The following COG5 variants were observed in gnomAD, a reference collection of about 807,000 sequenced individuals.
COG5 encodes the protein component of oligomeric golgi complex 5, also known as conserved oligomeric Golgi complex subunit 5.
A neutral mutation model predicts 110.4 loss-of-function variants in COG5; 86 were observed. That is an observed-to-expected ratio of 0.78 (90% CI 0.65 to 0.93). The LOEUF (loss-of-function observed/expected upper bound fraction) is 0.93. Ranked by LOEUF, COG5 falls within the 40% of genes least tolerant of loss-of-function variation. The pLI is 0.00. For missense variants in COG5, 1,077 were observed against 987.0 expected (o/e 1.09, Z -1.22); for synonymous variants, 360 against 334.6 (o/e 1.08, Z -0.83).
At chr7:107,205,955 T>G (rs926635539) in intron 21 of COG5, among the ~76,000 whole-genome samples, 2 of 94,100 alleles carry the variant, frequency 2.1e-5, no homozygotes, top group Non-Finnish European at 5.2e-5. Flanking sequence ...AGTGTAGCTG[T>G]TTTTTTTTTT....
At chr7:107,450,906 C>G (rs1026319553) in intron 6 of COG5, among the ~76,000 whole-genome samples, 1 of 152,158 alleles carries the variant, frequency 6.6e-6, no homozygotes, top group African/African-American at 2.4e-5. Flanking sequence ...CCATGAGGTT[C>G]AACATCCAGG....
chr7:107,279,362 T>C (rs866598985), intron 14 of COG5, among the ~76,000 whole-genome samples: 10 of 152,194 alleles, frequency 6.6e-5, no homozygotes, highest in African/African-American at 1.9e-4. Context: ...CTCCTACTCA[T>C]TGATTTAGTT....
intron 19 of COG5, among the ~76,000 whole-genome samples, chr7:107,227,627 T>A (rs1223929214): frequency 6.6e-6 from 1 of 151,080 alleles, no homozygotes; most frequent in Admixed American, 6.6e-5. Context: ...CTCCATACTA[T>A]GACACAACTT....
At chr7:107,387,707 G>A (rs576798129) in intron 7 of COG5, among the ~76,000 whole-genome samples, 1 of 152,300 alleles carries the variant, frequency 6.6e-6, no homozygotes, top group South Asian at 2.1e-4. Context: ...GCAGTCTGGT[G>A]GAGACCACAT....
chr7:107,358,235 T>C (rs1232299474), intron 10 of COG5, among the ~76,000 whole-genome samples: 4 of 152,200 alleles, frequency 2.6e-5, no homozygotes, highest in Non-Finnish European at 5.9e-5. Flanking sequence ...TGCAAAGTAT[T>C]TGATAATAAA....
intron 11 of COG5, among the ~76,000 whole-genome samples, chr7:107,299,873 A>AATTAC (rs1807107163): frequency 1.3e-4 from 16 of 124,450 alleles, no homozygotes; most frequent in African/African-American, 4.6e-4. Context: ...AATTATCTGG[A>AATTAC]ATATATATAT....
At chr7:107,293,619 C>T (rs1010871345) in intron 12 of COG5, among the ~76,000 whole-genome samples, 1 of 152,136 alleles carries the variant, frequency 6.6e-6, no homozygotes, top group Non-Finnish European at 1.5e-5. Flanking sequence ...TTTTAGTTGT[C>T]CTCCTATCTC....
chr7:107,282,821 CTT>C (rs1805291242), intron 13 of COG5, among the ~76,000 whole-genome samples: 1 of 152,116 alleles, frequency 6.6e-6, no homozygotes, highest in Non-Finnish European at 1.5e-5. Flanking sequence ...CCACCTGTGG[CTT>C]TTTAGTCTTA....
intron 8 of COG5, among the ~76,000 whole-genome samples, chr7:107,366,682 C>A (rs1315437759): frequency 2.6e-5 from 4 of 152,070 alleles, no homozygotes; most frequent in Non-Finnish European, 5.9e-5. Flanking sequence ...TAAAACCCAG[C>A]AGTTGGTAAA....
At chr7:107,526,620 AAAACTGG>A (rs1309178871) in intron 6 of COG5, among the ~76,000 whole-genome samples, 2 of 152,306 alleles carry the variant, frequency 1.3e-5, no homozygotes, top group African/African-American at 4.8e-5. Context: ...ATAATCACCA[AAAACTGG>A]AAACAACAAC....
At chr7:107,319,609 T>C (rs1447701108) in intron 11 of COG5, among the ~76,000 whole-genome samples, 1 of 152,232 alleles carries the variant, frequency 6.6e-6, no homozygotes, top group Admixed American at 6.5e-5. Context: ...TTCACAAATT[T>C]TACTCACTGT....
chr7:107,396,606 T>G (rs1013639016), intron 7 of COG5, among the ~76,000 whole-genome samples: 1 of 151,492 alleles, frequency 6.6e-6, no homozygotes, highest in Non-Finnish European at 1.5e-5. Context: ...AAGAGGAAAG[T>G]TCTACAGAAA....
chr7:107,210,660 C>A (rs1487473818), intron 20 of COG5, 55 bp from the exon 21 acceptor site: 5 of 1,534,478 alleles, frequency 3.3e-6, no homozygotes, highest in South Asian at 2.4e-5. Context: ...TAGTAAATGG[C>A]AGCAAGTGCT....
chr7:107,427,460 C>G (rs558106761), intron 6 of COG5, among the ~76,000 whole-genome samples: 130 of 152,250 alleles, frequency 8.5e-4, no homozygotes, highest in African/African-American at 3.0e-3. Context: ...ATATACTCTT[C>G]TGTTATGGAC....
intron 14 of COG5, among the ~76,000 whole-genome samples, chr7:107,260,521 C>T (rs1369452921): frequency 1.3e-5 from 2 of 152,072 alleles, no homozygotes; most frequent in East Asian, 1.9e-4. Flanking sequence ...GACTTGTACA[C>T]TTTAATGGGT....
Position 107,509,126 on chromosome 7 carries a change from G to T in COG5, c.538+18111C>A, listed in dbSNP as rs180957996. ...GCTAAAGGAGAAAGTTCGAACCAATGGCAAAGAAGTTAAAAACCTTGAAAA... is the reference window on the plus strand; with the variant it reads ...GCTAAAGGAGAAAGTTCGAACCAATTGCAAAGAAGTTAAAAACCTTGAAAA... On this transcript the variant is annotated intron_variant, in intron 6 of 21. Transcript: ENST00000297135. Among the ~76,000 whole-genome samples, 284 of 152,162 alleles carry T rather than the reference G, an allele frequency of 1.9e-3. 2 individuals carry two copies. The highest frequency in any genetic ancestry group is 6.6e-3 in the African/African-American group (275 of 41,522).
Position 107,208,981 on chromosome 7 carries a change from C to T in COG5, c.2375+1545G>A, listed in dbSNP as rs1161933525. The T allele has an allele frequency of 4.1e-6, 4 of 977,544 alleles. No individual in the cohort carries two copies. The African/African-American group carries it at 7.0e-5, about 17-fold the overall frequency. 60.6% of individuals were successfully genotyped at this position (977,544 alleles called of 1,614,324 possible). On this transcript the variant is annotated intron_variant, in intron 21 of 21. Transcript: ENST00000297135. ...GGGAGCTATAGAGAAATCCTGATAGCAGGCCTACCCTGGAGATTCTGAGGT... is the reference window on the plus strand; with the variant it reads ...GGGAGCTATAGAGAAATCCTGATAGTAGGCCTACCCTGGAGATTCTGAGGT...
chr7:107,541,523 A>AAAAATATATATATATAT (rs60423657), intron 5 of COG5, among the ~76,000 whole-genome samples: 2 of 57,022 alleles, frequency 3.5e-5, no homozygotes, highest in African/African-American at 1.3e-4. Context: ...AAAAAAAAAA[A>AAAAATATATATATATAT]ATATATATAT....
chr7:107,327,015 A>T (rs1809823359), intron 10 of COG5, among the ~76,000 whole-genome samples: 1 of 152,034 alleles, frequency 6.6e-6, no homozygotes, highest in South Asian at 2.1e-4. Context: ...ATCTCTAAAA[A>T]CCCAAATAAA....
Sources: gnomAD v4.1 joint callset for allele counts (sites outside exome capture counted in the v4.1 genomes callset) on GRCh38, gnomAD v4.1.1 for gene constraint, MANE v1.5 for transcripts, NCBI Gene and HGNC (gene_info 2026-07-23, HGNC 2026-07-21) for gene names.